The following AZIN2 variants were observed in gnomAD, a reference collection of about 807,000 sequenced individuals.
The protein encoded by AZIN2 is ODC antizyme inhibitor-2.
A neutral mutation model predicts 47.8 loss-of-function variants in AZIN2; 28 were observed. The ratio of observed to expected loss-of-function variants is 0.59; its 90% confidence interval spans 0.43 to 0.80. AZIN2 has a LOEUF of 0.80. Among genes scored for constraint, AZIN2 ranks in the 30% least tolerant of loss-of-function variants. The probability of loss-of-function intolerance (pLI) is 0.00; values close to 1 mark genes in which losing one functional copy is unlikely to be tolerated. For synonymous variants in AZIN2, 221 were observed against 239.4 expected (o/e 0.92, Z 0.71); for missense variants, 535 against 582.5 (o/e 0.92, Z 0.84).
At chr1:33,095,235 T>C (rs1643021367) in intron 8 of AZIN2, among the ~76,000 whole-genome samples, 1 of 152,218 alleles carries the variant, frequency 6.6e-6, no homozygotes, top group Non-Finnish European at 1.5e-5. Flanking sequence ...AATACCGACA[T>C]GTAGGAATTG....
At chr1:33,158,296 C>T in the AZIN2 span, 1 of 1,614,092 alleles carries the variant, frequency 6.2e-7, no homozygotes, top group Admixed American at 1.7e-5. Flanking sequence ...TGGTGTACTG[C>T]AGGGGGCCTG....
chr1:33,082,612 G>A, intron 4 of AZIN2: 1 of 393,086 alleles, frequency 2.5e-6, no homozygotes, highest in Non-Finnish European at 4.6e-6. Context: ...CTCCCTCACC[G>A]CCCACATCTA....
chr1:33,086,333 T>G (rs925398415), intron 5 of AZIN2, among the ~76,000 whole-genome samples: 1 of 152,144 alleles, frequency 6.6e-6, no homozygotes, highest in Non-Finnish European at 1.5e-5. Flanking sequence ...CCTGCTGAGT[T>G]GCCTTGGACT....
the AZIN2 span, among the ~76,000 whole-genome samples, chr1:33,155,660 C>A: frequency 2.0e-5 from 3 of 152,136 alleles, no homozygotes; most frequent in Non-Finnish European, 4.4e-5. Context: ...CAGCTCTGTG[C>A]CTCCGTTACT....
the AZIN2 span, among the ~76,000 whole-genome samples, chr1:33,160,473 C>T: frequency 4.6e-5 from 7 of 152,030 alleles, no homozygotes; most frequent in Non-Finnish European, 1.0e-4. Flanking sequence ...GGCACGATCT[C>T]GGATCATTGC....
intron 6 of AZIN2, among the ~76,000 whole-genome samples, chr1:33,092,740 T>G (rs1569973650): frequency 6.7e-6 from 1 of 148,436 alleles, no homozygotes; most frequent in Admixed American, 6.7e-5. Context: ...GTGTAGGGGG[T>G]GAAGGAGATC....
chr1:33,088,037 G>A (rs1251373779), intron 5 of AZIN2, among the ~76,000 whole-genome samples: 2 of 152,050 alleles, frequency 1.3e-5, no homozygotes, highest in Non-Finnish European at 2.9e-5. Flanking sequence ...TCTCTAAATG[G>A]TAGCATTCTT....
the AZIN2 span, among the ~76,000 whole-genome samples, chr1:33,136,361 T>C: frequency 6.6e-6 from 1 of 151,396 alleles, no homozygotes; most frequent in Admixed American, 6.6e-5. Context: ...TCTCTCTCTC[T>C]GTCTTTCTTT....
chr1:33,145,543 G>A, the AZIN2 span: 17 of 173,626 alleles, frequency 9.8e-5, no homozygotes, highest in South Asian at 2.1e-3. Context: ...TTGCCCAAGG[G>A]AGGCCCGGGT....
At position 33,120,385 on chromosome 1, in the gene AZIN2, G is replaced by T. The variant is rs189689816; in HGVS notation, c.*203G>T. 10 of 726,854 alleles carry T rather than the reference G, an allele frequency of 1.4e-5. No homozygotes were observed. The highest frequency in any genetic ancestry group is 6.5e-5 in the Admixed American group (2 of 30,896). 45.0% of individuals were successfully genotyped at this position (726,854 alleles called of 1,614,324 possible). On this transcript the variant is annotated 3_prime_UTR_variant, in exon 12 of 12. Coordinates refer to ENST00000294517, the MANE Select transcript of AZIN2 (RefSeq NM_052998.4). ...AGTTCAAGTATGCAACATAAATCCT[G>T]TTCCTTCCAGCTGTGTCTGCCTCCT...
chr1:33,145,896 A>C, the AZIN2 span: 1 of 471,032 alleles, frequency 2.1e-6, no homozygotes, highest in Non-Finnish European at 4.4e-6. Flanking sequence ...CTTGCAGCCA[A>C]GGTTCTGGAT....
chr1:33,149,731 A>G, the AZIN2 span, among the ~76,000 whole-genome samples: 1 of 152,198 alleles, frequency 6.6e-6, no homozygotes, highest in Non-Finnish European at 1.5e-5. Flanking sequence ...CTGGGATTAT[A>G]GGTGTGAGCC....
Position 33,098,115 on chromosome 1 carries a change from G to T in AZIN2, c.965G>T (p.Gly322Val). 6.2e-7 allele frequency: 1 copy of T among 1,614,086 alleles called. No individual in the cohort carries two copies. The highest frequency in any genetic ancestry group is 1.1e-5 in the South Asian group (1 of 91,078). ...SKTIVYHLDE[G>V]VYGIFNSVLF... ...ACCATCGTGTACCACCTTGATGAGG[G>T]CGTGTATGGGATCTTCAACTCAGTC... is the stretch of plus-strand genomic sequence containing the variant. The change falls in exon 10 of 12, where the codon GGC becomes GTC. Residue 322 changes from glycine to valine, a missense_variant. This residue lies in a region of AZIN2 where 409 missense variants were observed against 429.0 expected (regional missense o/e 0.95). Transcript: ENST00000294517.
At chr1:33,131,768 A>G in the AZIN2 span, among the ~76,000 whole-genome samples, 3 of 152,224 alleles carry the variant, frequency 2.0e-5, no homozygotes, top group African/African-American at 7.2e-5. Context: ...ATTTAAAATT[A>G]TCTATTAAAT....
At chr1:33,110,778 T>G (rs1469922125) in intron 10 of AZIN2, among the ~76,000 whole-genome samples, 1 of 152,220 alleles carries the variant, frequency 6.6e-6, no homozygotes, top group Non-Finnish European at 1.5e-5. Flanking sequence ...AGGAAGAGAC[T>G]GTATCAGGAT....
Position 33,120,395 on chromosome 1 carries a change from G to C in AZIN2, c.*213G>C. The C allele has an allele frequency of 1.5e-6, 1 of 679,752 alleles. No individual in the cohort carries two copies. The allele number at this position is 679,752 out of a possible 1,614,324, so 42.1% of individuals were successfully genotyped here. ...TGCAACATAAATCCTGTTCCTTCCA[G>C]CTGTGTCTGCCTCCTCTGCAGTGCA... On this transcript the variant is annotated 3_prime_UTR_variant, in exon 12 of 12. Transcript: ENST00000294517.
intron 10 of AZIN2, among the ~76,000 whole-genome samples, chr1:33,101,355 G>A (rs1643678181): frequency 6.6e-6 from 1 of 152,150 alleles, no homozygotes; most frequent in African/African-American, 2.4e-5. Flanking sequence ...CTCTTTTTAA[G>A]TCTGTTTTGT....
chr1:33,160,031 C>T, the AZIN2 span: 3 of 1,535,862 alleles, frequency 2.0e-6, no homozygotes, highest in Non-Finnish European at 2.6e-6. Flanking sequence ...AGCCTTGACA[C>T]ACAGAGAGGA....
intron 10 of AZIN2, among the ~76,000 whole-genome samples, chr1:33,115,661 C>T (rs966932003): frequency 2.0e-5 from 3 of 152,096 alleles, no homozygotes; most frequent in Admixed American, 6.5e-5. Context: ...TGAGATCACA[C>T]CACTACACTC....
Sources: gnomAD v4.1 joint callset for allele counts (sites outside exome capture counted in the v4.1 genomes callset) on GRCh38, gnomAD v4.1.1 for gene constraint, gnomAD v4.1.1 regional missense constraint, MANE v1.5 for transcripts, NCBI Gene and HGNC (gene_info 2026-07-23, HGNC 2026-07-21) for gene names.